Variants in DOK5 observed in about 807,000 individuals in gnomAD.
DOK5 encodes the protein docking protein 5.
A neutral mutation model predicts 43.3 loss-of-function variants in DOK5; 27 were observed. That is an observed-to-expected ratio of 0.62 (90% CI 0.46 to 0.86). The LOEUF (loss-of-function observed/expected upper bound fraction) is 0.86. Ranked by LOEUF, DOK5 falls within the 40% of genes least tolerant of loss-of-function variation. The probability of loss-of-function intolerance (pLI) is 0.00; values close to 1 mark genes in which losing one functional copy is unlikely to be tolerated. For missense variants in DOK5, 373 were observed against 392.9 expected, an observed-to-expected ratio of 0.95 and a Z score of 0.43; for synonymous variants, 146 against 140.1, an observed-to-expected ratio of 1.04 and a Z score of -0.30.
chr20:54,578,048 A>G (rs992571642), intron 2 of DOK5, among the ~76,000 whole-genome samples: 3 of 152,164 alleles, frequency 2.0e-5, no homozygotes, highest in Non-Finnish European at 4.4e-5. Context: ...CCCAAATCCT[A>G]GGGAGAGAAT....
chr20:54,632,468 C>G (rs1434564515), intron 6 of DOK5, among the ~76,000 whole-genome samples: 2 of 152,142 alleles, frequency 1.3e-5, no homozygotes, highest in Non-Finnish European at 2.9e-5. Context: ...TAAATATTGG[C>G]AATAACCATG....
Position 54,610,496 on chromosome 20 carries a change from C to A in DOK5, c.708C>A (p.Arg236=). The change falls in exon 6 of 8, where the codon CGC becomes CGA. Residue 236 remains arginine (R), a synonymous_variant. Transcript: ENST00000262593. The part of the protein sequence containing the change: ...AALAIAEQHE[R]LLQSVKNSML... ...TGGCCATAGCCGAGCAGCACGAGCG[C>A]TTGCTACAGAGTGTGAAAAACTCGA... 6.5e-7 allele frequency: 1 copy of A among 1,540,476 alleles called. No homozygotes were observed.
intron 5 of DOK5, among the ~76,000 whole-genome samples, chr20:54,604,102 A>C (rs1445914109): frequency 6.6e-6 from 1 of 151,522 alleles, no homozygotes; most frequent in Non-Finnish European, 1.5e-5. Context: ...GCCCGCCACC[A>C]TGCCCGGCTA....
At chr20:54,621,231 G>A (rs1423742310) in intron 6 of DOK5, among the ~76,000 whole-genome samples, 1 of 152,210 alleles carries the variant, frequency 6.6e-6, no homozygotes, top group African/African-American at 2.4e-5. Flanking sequence ...CTGGGAAGAG[G>A]CTTTCATGTA....
At chr20:54,532,073 T>C (rs914596979) in intron 1 of DOK5, among the ~76,000 whole-genome samples, 1 of 152,168 alleles carries the variant, frequency 6.6e-6, no homozygotes, top group Non-Finnish European at 1.5e-5. Flanking sequence ...ATGAAGGCTA[T>C]AGACAAATAC....
chr20:54,501,489 AAAAG>A (rs1982605986), intron 1 of DOK5, among the ~76,000 whole-genome samples: 3 of 145,492 alleles, frequency 2.1e-5, no homozygotes, highest in African/African-American at 8.4e-5. Flanking sequence ...AAAAAAAAAA[AAAAG>A]AAGAAAAGGA....
chr20:54,497,994 T>C (rs1982463627), intron 1 of DOK5, among the ~76,000 whole-genome samples: 1 of 152,194 alleles, frequency 6.6e-6, no homozygotes, highest in South Asian at 2.1e-4. Flanking sequence ...GAAAATCCCT[T>C]CTCTATGTCG....
At chr20:54,485,353 C>CAAAAA (rs546070379) in intron 1 of DOK5, among the ~76,000 whole-genome samples, 1 of 77,394 alleles carries the variant, frequency 1.3e-5, no homozygotes, top group African/African-American at 4.2e-5. Context: ...GACTCCGTCT[C>CAAAAA]AAAAAAAAAA....
At chr20:54,632,954 G>A (rs1433532186) in intron 6 of DOK5, among the ~76,000 whole-genome samples, 2 of 152,092 alleles carry the variant, frequency 1.3e-5, no homozygotes, top group Non-Finnish European at 2.9e-5. Context: ...GTGCGTCCCT[G>A]TAATCCCAGC....
At chr20:54,513,191 G>A (rs1983068843) in intron 1 of DOK5, among the ~76,000 whole-genome samples, 1 of 152,120 alleles carries the variant, frequency 6.6e-6, no homozygotes, top group Admixed American at 6.5e-5. Flanking sequence ...AGATTGAGCA[G>A]TCATCTTGGA....
At chr20:54,599,548 G>A (rs990899348) in intron 5 of DOK5, among the ~76,000 whole-genome samples, 3 of 152,132 alleles carry the variant, frequency 2.0e-5, no homozygotes, top group Non-Finnish European at 1.5e-5. Flanking sequence ...AACAAGACAA[G>A]GCCACCATTC....
At chr20:54,611,270 T>A (rs867088980) in intron 6 of DOK5, among the ~76,000 whole-genome samples, 2 of 152,150 alleles carry the variant, frequency 1.3e-5, no homozygotes, top group Non-Finnish European at 2.9e-5. Context: ...TAAATAATTA[T>A]GTTCATGAGG....
chr20:54,580,307 A>C (rs1288506526), intron 2 of DOK5, among the ~76,000 whole-genome samples: 1 of 152,190 alleles, frequency 6.6e-6, no homozygotes, highest in Non-Finnish European at 1.5e-5. Flanking sequence ...TGCCATAAAC[A>C]TGGAAGTGAA....
intron 5 of DOK5, among the ~76,000 whole-genome samples, chr20:54,608,650 C>T (rs1158948223): frequency 6.7e-6 from 1 of 149,662 alleles, no homozygotes; most frequent in East Asian, 1.9e-4. Flanking sequence ...ATGTTTTTCC[C>T]TCTATTTCTT....
At chr20:54,505,932 CCA>C (rs138594125) in intron 1 of DOK5, among the ~76,000 whole-genome samples, 2,682 of 152,210 alleles carry the variant, frequency 0.018, 81 homozygotes, top group African/African-American at 0.061. Context: ...ACTTCCTTGG[CCA>C]CAGACAGGAT....
intron 3 of DOK5, 28 bp from the exon 4 acceptor site, chr20:54,588,659 C>G: frequency 6.2e-7 from 1 of 1,614,044 alleles, no homozygotes; most frequent in South Asian, 1.1e-5. Context: ...GCTGGGCACA[C>G]AGTTTAATCT....
chr20:54,595,518 G>T (rs1986113876), intron 5 of DOK5, among the ~76,000 whole-genome samples: 2 of 152,114 alleles, frequency 1.3e-5, no homozygotes, highest in Non-Finnish European at 2.9e-5. Flanking sequence ...TGACTTGGAA[G>T]ATATAAGTGT....
chr20:54,529,047 C>T (rs73911933), intron 1 of DOK5, among the ~76,000 whole-genome samples: 3,691 of 152,172 alleles, frequency 0.024, 147 homozygotes, highest in African/African-American at 0.084. Flanking sequence ...GGGTCCTGAG[C>T]AGGGAGAGAC....
intron 2 of DOK5, among the ~76,000 whole-genome samples, chr20:54,559,185 T>C (rs1165122919): frequency 6.6e-6 from 1 of 152,302 alleles, no homozygotes; most frequent in Admixed American, 6.5e-5. Flanking sequence ...AAAGTTTCTG[T>C]GCATAGTTTT....
Sources: gnomAD v4.1 joint callset for allele counts (sites outside exome capture counted in the v4.1 genomes callset) on GRCh38, gnomAD v4.1.1 for gene constraint, MANE v1.5 for transcripts, NCBI Gene and HGNC (gene_info 2026-07-23, HGNC 2026-07-21) for gene names.